SGCD: variants seen among roughly 807,000 people sequenced by gnomAD.
SGCD encodes delta-sarcoglycan.
SGCD carries 18 observed loss-of-function variants against 36.6 expected under a neutral mutation model. The ratio of observed to expected loss-of-function variants is 0.49; its 90% CI spans 0.34 to 0.73. The LOEUF is 0.73. SGCD is among the 30% of genes least tolerant of loss of function. SGCD has a pLI of 0.01. For missense variants in SGCD, 387 were observed against 346.7 expected (o/e 1.12, Z -0.92); for synonymous variants, 133 against 130.6 (o/e 1.02, Z -0.12).
At chr5:156,464,523 A>G (rs1423171151) in intron 3 of SGCD, among the ~76,000 whole-genome samples, 1 of 152,050 alleles carries the variant, frequency 6.6e-6, no homozygotes, top group African/African-American at 2.4e-5. Context: ...CCCGGCCTTG[A>G]ATCTACGTTC....
Position 156,643,103 on chromosome 5 carries a change from G to C in SGCD, c.503-4361G>C, listed in dbSNP as rs1431428481. Among the ~76,000 whole-genome samples the C allele has an allele frequency of 8.7e-5, 13 of 149,494 alleles. No individual in the cohort carries two copies. The Admixed American group carries it at 8.7e-4, about 10-fold the overall frequency. ...GCTGGAGTGCAAAGGTGTGATCTTGGCTCACTGCAACCTCCACCTCCCGAG... is the reference window on the plus strand; with the variant it reads ...GCTGGAGTGCAAAGGTGTGATCTTGCCTCACTGCAACCTCCACCTCCCGAG... On this transcript the variant is annotated intron_variant, in intron 6 of 8. Coordinates refer to ENST00000337851, the MANE Select transcript of SGCD (RefSeq NM_000337.6).
intron 1 of SGCD, among the ~76,000 whole-genome samples, chr5:156,012,588 G>A (rs1758882269): frequency 6.6e-6 from 1 of 151,014 alleles, no homozygotes; most frequent in Non-Finnish European, 1.5e-5. Flanking sequence ...TCTTTACTAA[G>A]ATTGTTTAAT....
intron 4 of SGCD, among the ~76,000 whole-genome samples, chr5:156,536,266 A>G (rs1226153536): frequency 6.6e-6 from 1 of 152,150 alleles, no homozygotes; most frequent in Non-Finnish European, 1.5e-5. Flanking sequence ...CTGAGATGCT[A>G]AGTACTTAGG....
At chr5:156,254,766 G>T (rs1209299274) in intron 3 of SGCD, among the ~76,000 whole-genome samples, 1 of 152,162 alleles carries the variant, frequency 6.6e-6, no homozygotes, top group African/African-American at 2.4e-5. Flanking sequence ...AGAATCTCTT[G>T]GGCCCAGAGG....
intron 1 of SGCD, among the ~76,000 whole-genome samples, chr5:156,085,420 C>T (rs1222534946): frequency 6.6e-6 from 1 of 152,126 alleles, no homozygotes; most frequent in Non-Finnish European, 1.5e-5. Context: ...CTCCCCTCTC[C>T]CTCTTCCTCT....
chr5:156,766,034 T>TAAAAA lies in SGCD; in HGVS notation c.*6656_*6660dup, dbSNP rs57240389. On this transcript the variant is annotated 3_prime_UTR_variant, in exon 9 of 9. Coordinates refer to ENST00000337851, the MANE Select transcript of SGCD (RefSeq NM_000337.6). ...TTTCTGTGTATGCTTAGGTCAAGCT[T>TAAAAA]AAAAAAAAAAAAAAAAGACCGGAAA... 7.6e-6 allele frequency: 1 copy of TAAAAA among 131,410 alleles called. No homozygotes were observed. Among genetic ancestry groups the TAAAAA allele is most frequent in the Non-Finnish European group, 1.7e-5 (1 of 60,484 alleles). The allele number at this position is 131,410 out of a possible 1,614,324, so 8.1% of individuals were successfully genotyped here.
At chr5:156,430,047 CT>C in intron 3 of SGCD, among the ~76,000 whole-genome samples, 1 of 152,040 alleles carries the variant, frequency 6.6e-6, no homozygotes, top group Non-Finnish European at 1.5e-5. Context: ...AGTCTTTGAG[CT>C]TTTTGTATTT....
intron 1 of SGCD, among the ~76,000 whole-genome samples, chr5:155,984,588 G>A (rs1047789373): frequency 4.6e-5 from 7 of 152,208 alleles, no homozygotes; most frequent in African/African-American, 1.7e-4. Context: ...TTTTGCTGGT[G>A]TCTTCGGCAT....
intron 3 of SGCD, among the ~76,000 whole-genome samples, chr5:156,144,067 T>G (rs1762646862): frequency 6.6e-6 from 1 of 152,048 alleles, no homozygotes; most frequent in Non-Finnish European, 1.5e-5. Context: ...GGACATGAAC[T>G]CTTCATTTTT....
chr5:155,820,760 C>G, the SGCD span, among the ~76,000 whole-genome samples: 3 of 151,998 alleles, frequency 2.0e-5, no homozygotes, highest in African/African-American at 7.2e-5. Context: ...ATTAACTGCC[C>G]TACAGATACA....
At chr5:155,899,793 A>G (rs984019089) in intron 1 of SGCD, among the ~76,000 whole-genome samples, 2 of 152,182 alleles carry the variant, frequency 1.3e-5, no homozygotes, top group South Asian at 4.1e-4. Flanking sequence ...GCAGAAGACT[A>G]TAGGAGAGCT....
At chr5:156,154,612 CTTTA>C (rs1554080684) in intron 3 of SGCD, among the ~76,000 whole-genome samples, 1 of 151,488 alleles carries the variant, frequency 6.6e-6, no homozygotes, top group Non-Finnish European at 1.5e-5. Flanking sequence ...GCACTTAGTG[CTTTA>C]TTTGTGACTT....
At chr5:155,942,884 G>A (rs1282013172) in intron 1 of SGCD, among the ~76,000 whole-genome samples, 1 of 152,144 alleles carries the variant, frequency 6.6e-6, no homozygotes, top group Admixed American at 6.5e-5. Flanking sequence ...TTATAATTAT[G>A]TTCAACCATG....
chr5:156,278,891 G>A (rs1204369571), intron 3 of SGCD, among the ~76,000 whole-genome samples: 1 of 152,110 alleles, frequency 6.6e-6, no homozygotes, highest in African/African-American at 2.4e-5. Context: ...AGATTATCAA[G>A]TATTTCTATT....
rs374902595 is a variant in SGCD at position 156,486,202 on chromosome 5, TCA to T, written c.193-22396_193-22395del. Among the ~76,000 whole-genome samples, 120 of 152,020 alleles carry T rather than the reference TCA, an allele frequency of 7.9e-4. 1 individual carries two copies. The East Asian group carries it at 0.018, about 23-fold the overall frequency. The stretch of plus-strand genomic sequence containing the variant: ...TCATGTCCACCCAGAAACCTGTGTG[TCA>T]CAGTTTTCTGGGTGGACATGAGGAG... On this transcript the variant is annotated intron_variant, in intron 3 of 8. Transcript: ENST00000337851.
At chr5:156,185,725 C>T (rs1763726273) in intron 3 of SGCD, among the ~76,000 whole-genome samples, 1 of 150,920 alleles carries the variant, frequency 6.6e-6, no homozygotes, top group African/African-American at 2.4e-5. Flanking sequence ...TTCACAAAAA[C>T]CCTCCCCTGT....
chr5:156,055,974 T>C lies in SGCD; in HGVS notation c.-281-61904T>C, dbSNP rs1355785070. Among the ~76,000 whole-genome samples, 2 of 146,368 alleles carry C rather than the reference T, an allele frequency of 1.4e-5. 1 individual carries two copies. The highest frequency in any genetic ancestry group is 3.1e-5 in the Non-Finnish European group (2 of 64,918). ...ACTTACAAAATGTGTTAGAATTATA[T>C]ATATATTTAAAGCTAAAGGAAAATT... On this transcript the variant is annotated intron_variant, in intron 1 of 9. Transcript: ENST00000517913.
chr5:156,609,069 G>T (rs200030107), intron 6 of SGCD, among the ~76,000 whole-genome samples: 179 of 151,918 alleles, frequency 1.2e-3, no homozygotes, highest in Non-Finnish European at 2.1e-3. Flanking sequence ...TGTTATGTGT[G>T]AATTTGATCC....
At chr5:156,444,064 TTCTC>T (rs535098783) in intron 3 of SGCD, among the ~76,000 whole-genome samples, 1,797 of 34,374 alleles carry the variant, frequency 0.052, 66 homozygotes, top group Non-Finnish European at 0.065. Flanking sequence ...CTTTCTCTCC[TTCTC>T]TCTCTCTCTC....
Sources: allele counts gnomAD v4.1 joint callset (sites outside exome capture counted in the v4.1 genomes callset), GRCh38; gene constraint gnomAD v4.1.1; transcripts MANE v1.5; gene names NCBI Gene and HGNC (gene_info 2026-07-23, HGNC 2026-07-21).